Variants in ZMYND11 observed in about 807,000 individuals in gnomAD.
ZMYND11 encodes zinc finger MYND-type containing 11, also known as zinc finger MYND domain-containing protein 11.
A neutral mutation model predicts 84.9 loss-of-function variants in ZMYND11; 9 were observed. The observed-to-expected ratio is 0.11, with a 90% CI of 0.06 to 0.18. ZMYND11 has a LOEUF of 0.18. Ranked by LOEUF, ZMYND11 falls within the 10% of genes least tolerant of loss-of-function variation. The probability of loss-of-function intolerance (pLI) is 1.00; values close to 1 mark genes in which losing one functional copy is unlikely to be tolerated. For synonymous variants in ZMYND11, 250 were observed against 244.1 expected, an observed-to-expected ratio of 1.02 and a Z score of -0.23; for missense variants, 409 against 761.0, an observed-to-expected ratio of 0.54 and a Z score of 5.44.
At chr10:246,628 T>C in intron 10 of ZMYND11, 138 bp from the exon 11 acceptor site, 2 of 742,684 alleles carry the variant, frequency 2.7e-6, no homozygotes, top group East Asian at 2.7e-5. Context: ...GAACCCACAA[T>C]TGCTTTTGCA....
At chr10:145,156 ATG>A (rs1838454720) in intron 1 of ZMYND11, among the ~76,000 whole-genome samples, 1 of 150,648 alleles carries the variant, frequency 6.6e-6, no homozygotes, top group Non-Finnish European at 1.5e-5. Context: ...GTATATATAT[ATG>A]TGTGTGTATA....
At chr10:196,546 C>T (rs1457223008) in intron 2 of ZMYND11, among the ~76,000 whole-genome samples, 2 of 152,056 alleles carry the variant, frequency 1.3e-5, no homozygotes, top group African/African-American at 2.4e-5. Context: ...ATCCATTCAA[C>T]AAAATTAGTA....
chr10:234,577 C>T (rs1390449103), intron 4 of ZMYND11, among the ~76,000 whole-genome samples: 1 of 152,042 alleles, frequency 6.6e-6, no homozygotes, highest in Non-Finnish European at 1.5e-5. Context: ...GCTATTATGT[C>T]TGAGTTTAGA....
chr10:238,456 A>C (rs1950344115), intron 6 of ZMYND11, among the ~76,000 whole-genome samples: 1 of 151,784 alleles, frequency 6.6e-6, no homozygotes, highest in Non-Finnish European at 1.5e-5. Flanking sequence ...TCCCGGGTTC[A>C]CGCCATTCTC....
At chr10:200,408 CTA>C (rs980478653) in intron 2 of ZMYND11, among the ~76,000 whole-genome samples, 1 of 145,298 alleles carries the variant, frequency 6.9e-6, no homozygotes, top group South Asian at 2.1e-4. Flanking sequence ...TATATACACC[CTA>C]TATATATAAT....
At position 246,952 on chromosome 10, in the gene ZMYND11, C is replaced by T. The variant is rs766011062; in HGVS notation, c.1137C>T (p.Ile379=). ...GTGAGGAAGAGGCAGAATCCAGTATCTCCTCCACCAGTAATGAGCAGGTGA... is the reference window on the plus strand; with the variant it reads ...GTGAGGAAGAGGCAGAATCCAGTATTTCCTCCACCAGTAATGAGCAGGTGA... ...DRGEEEAESS[I]SSTSNEQLKV... Residue 379 remains isoleucine (I), a synonymous_variant, in exon 11 of 15, where the codon ATC becomes ATT. Coordinates refer to ENST00000381604, the MANE Select transcript of ZMYND11 (RefSeq NM_001370100.5). The T allele has an allele frequency of 2.5e-6, 4 of 1,609,034 alleles. No individual in the cohort carries two copies. In the South Asian group the frequency reaches 3.3e-5, roughly 13 times the overall value.
In ZMYND11 at chr10:253,492, G is replaced by A. The variant is rs1953874244; in HGVS notation, c.*1022G>A. 1 of 152,560 alleles carries A rather than the reference G, an allele frequency of 6.6e-6. No individual in the cohort carries two copies. The highest frequency in any genetic ancestry group is 1.5e-5 in the Non-Finnish European group (1 of 68,026). 9.5% of individuals were successfully genotyped at this position (152,560 alleles called of 1,614,324 possible). A position where few individuals can be genotyped will look rare whatever the true frequency, so the allele number is the denominator to read the frequency against. On this transcript the variant is annotated 3_prime_UTR_variant, in exon 15 of 15. Transcript: ENST00000381604. The stretch of plus-strand genomic sequence containing the variant: ...CACTGTACACAGAATGAAGAATAAT[G>A]CATGTTAATTTTCTTGTATTAAAGA...
At chr10:172,530 G>A (rs1372580302) in intron 1 of ZMYND11, among the ~76,000 whole-genome samples, 1 of 152,156 alleles carries the variant, frequency 6.6e-6, no homozygotes, top group Non-Finnish European at 1.5e-5. Context: ...AAATGCTTAG[G>A]TAGAAATCTA....
At chr10:138,324 T>C (rs1836647432) in intron 1 of ZMYND11, among the ~76,000 whole-genome samples, 1 of 152,154 alleles carries the variant, frequency 6.6e-6, no homozygotes, top group Admixed American at 6.6e-5. Flanking sequence ...GTTTGCCATG[T>C]TGGCCAGGTC....
chr10:234,828 G>A (rs528511641), intron 4 of ZMYND11, among the ~76,000 whole-genome samples: 14 of 152,288 alleles, frequency 9.2e-5, no homozygotes, highest in Non-Finnish European at 1.5e-4. Context: ...GCAGTGCACC[G>A]AAGCATGTCC....
At chr10:230,343 C>T (rs1000964121) in intron 4 of ZMYND11, among the ~76,000 whole-genome samples, 22 of 151,924 alleles carry the variant, frequency 1.4e-4, no homozygotes, top group South Asian at 8.3e-4. Flanking sequence ...CATGCTGGTG[C>T]GTGCCTGTAG....
chr10:149,730 A>C (rs1672765169), intron 1 of ZMYND11, among the ~76,000 whole-genome samples: 1 of 152,202 alleles, frequency 6.6e-6, no homozygotes, highest in Non-Finnish European at 1.5e-5. Context: ...CTCACACTTT[A>C]AATAGACATT....
In ZMYND11 at chr10:252,588, C is replaced by T. The variant is rs1953723802; in HGVS notation, c.*118C>T. On this transcript the variant is annotated 3_prime_UTR_variant, in exon 15 of 15. Coordinates refer to ENST00000381604, the MANE Select transcript of ZMYND11 (RefSeq NM_001370100.5). This position sits in a 1 kb window ranked among gnomAD's most constrained non-coding sequence, Gnocchi z 4.6. ...CCCATTTTGCACCAGCCTTTAAACACTTTTCGTGAAGAAATTTTGCACAGT... is the reference window on the plus strand; with the variant it reads ...CCCATTTTGCACCAGCCTTTAAACATTTTTCGTGAAGAAATTTTGCACAGT... 3 of 1,405,188 alleles carry T rather than the reference C, an allele frequency of 2.1e-6. No individual in the cohort carries two copies. Among genetic ancestry groups the T allele is most frequent in the Admixed American group, 5.4e-5 (2 of 37,024 alleles). The allele number at this position is 1,405,188 out of a possible 1,614,324, so 87.0% of individuals were successfully genotyped here.
intron 1 of ZMYND11, among the ~76,000 whole-genome samples, chr10:179,095 C>T (rs1847281218): frequency 6.6e-6 from 1 of 152,156 alleles, no homozygotes; most frequent in Non-Finnish European, 1.5e-5. Flanking sequence ...AGCATGATAA[C>T]ATGTATGATC....
chr10:215,495 C>G (rs2131344940), intron 3 of ZMYND11, among the ~76,000 whole-genome samples: 1 of 151,828 alleles, frequency 6.6e-6, no homozygotes, highest in Non-Finnish European at 1.5e-5. Context: ...GCTTGTGACT[C>G]AAGAGCAACT....
intron 2 of ZMYND11, among the ~76,000 whole-genome samples, chr10:201,585 T>TACAC (rs56058145): frequency 4.3e-4 from 63 of 146,162 alleles, no homozygotes; most frequent in East Asian, 2.6e-3. Context: ...TACCATGAAA[T>TACAC]ACACACACAC....
At chr10:219,669 G>A (rs1429884866) in intron 3 of ZMYND11, among the ~76,000 whole-genome samples, 1 of 152,142 alleles carries the variant, frequency 6.6e-6, no homozygotes, top group African/African-American at 2.4e-5. Context: ...TGTTGTCTGT[G>A]TGATGCCAGT....
At chr10:235,940 AT>A (rs1238871821) in intron 4 of ZMYND11, among the ~76,000 whole-genome samples, 1 of 152,246 alleles carries the variant, frequency 6.6e-6, no homozygotes, top group Non-Finnish European at 1.5e-5. Context: ...TGTGAGAAAT[AT>A]TTGTCCTTTC....
rs1952796015 is a variant in ZMYND11, at chr10:249,103, T to C, written c.1686+15T>C. 2 of 1,613,880 alleles carry C rather than the reference T, an allele frequency of 1.2e-6. No homozygotes were observed. Among genetic ancestry groups the C allele is most frequent in the Admixed American group, 1.7e-5 (1 of 59,990 alleles). ...AGAAGCAGTGGGTAAATACCAGTCTTTTTTAGACCCTTATTTCTGAAAATG... is the reference window on the plus strand; with the variant it reads ...AGAAGCAGTGGGTAAATACCAGTCTCTTTTAGACCCTTATTTCTGAAAATG... On this transcript the variant is annotated intron_variant, in intron 14 of 14. Transcript: ENST00000381604.
Sources: gnomAD v4.1 joint callset for allele counts (sites outside exome capture counted in the v4.1 genomes callset) on GRCh38, gnomAD v4.1.1 for gene constraint, Gnocchi (gnomAD v3.1) non-coding constraint, MANE v1.5 for transcripts, NCBI Gene and HGNC (gene_info 2026-07-23, HGNC 2026-07-21) for gene names.